The following ACTL8 variants were observed in gnomAD, a reference collection of about 807,000 sequenced individuals.
ACTL8 encodes the protein actin like 8.
A neutral mutation model predicts 9.3 loss-of-function variants in ACTL8; 3 were observed. That is an observed-to-expected ratio of 0.32 (90% CI 0.15 to 0.83). ACTL8 has a LOEUF of 0.83. Ranked by LOEUF, ACTL8 falls within the 40% of genes least tolerant of loss-of-function variation. The pLI, the probability that ACTL8 is intolerant of heterozygous loss-of-function variation, is 0.57. For synonymous variants in ACTL8, 224 were observed against 205.9 expected (o/e 1.09, Z -0.75); for missense variants, 381 against 492.2 (o/e 0.77, Z 2.14).
At chr1:17,794,321 C>CT (rs142828106) in intron 1 of ACTL8, among the ~76,000 whole-genome samples, 6,040 of 152,256 alleles carry the variant, frequency 0.04, 410 homozygotes, top group African/African-American at 0.14. Context: ...TTTTCCTCAT[C>CT]TATAAAATGA....
intron 1 of ACTL8, among the ~76,000 whole-genome samples, chr1:17,819,289 G>A (rs2053625696): frequency 6.6e-6 from 1 of 152,236 alleles, no homozygotes; most frequent in African/African-American, 2.4e-5. Flanking sequence ...CACTCTGGAT[G>A]ATTGAGTGTG....
chr1:17,797,359 G>A (rs916973110), intron 1 of ACTL8, among the ~76,000 whole-genome samples: 2 of 152,148 alleles, frequency 1.3e-5, no homozygotes, highest in Non-Finnish European at 2.9e-5. Flanking sequence ...ATGAGACCAC[G>A]TATGCTTTGG....
chr1:17,818,463 G>T (rs574301235), intron 1 of ACTL8, among the ~76,000 whole-genome samples: 3 of 152,312 alleles, frequency 2.0e-5, no homozygotes, highest in African/African-American at 7.2e-5. Context: ...TCCCACATCT[G>T]CAAGCATGAT....
intron 1 of ACTL8, among the ~76,000 whole-genome samples, chr1:17,800,782 T>A (rs11583569): frequency 0.16 from 24,679 of 150,948 alleles, 2,719 homozygotes; most frequent in African/African-American, 0.31. Context: ...TTTAGTAGAG[T>A]CTGGGTTTTG....
chr1:17,799,114 T>G (rs899000594), intron 1 of ACTL8, among the ~76,000 whole-genome samples: 31 of 152,154 alleles, frequency 2.0e-4, no homozygotes, highest in Admixed American at 2.0e-3. Context: ...ATCACAAGCT[T>G]GGAGGACGTG....
At chr1:17,803,859 C>A (rs1210923340) in intron 1 of ACTL8, among the ~76,000 whole-genome samples, 2 of 152,158 alleles carry the variant, frequency 1.3e-5, no homozygotes, top group African/African-American at 4.8e-5. Flanking sequence ...CATATGTCAG[C>A]TTTGCCAATT....
chr1:17,804,751 G>A (rs577348295), intron 1 of ACTL8, among the ~76,000 whole-genome samples: 5 of 152,094 alleles, frequency 3.3e-5, no homozygotes, highest in Non-Finnish European at 7.4e-5. Context: ...TGAGTAGCTG[G>A]GATATAGGCA....
chr1:17,819,310 C>G, intron 1 of ACTL8, among the ~76,000 whole-genome samples: 1 of 152,244 alleles, frequency 6.6e-6, no homozygotes, highest in East Asian at 1.9e-4. Flanking sequence ...AGGAATCTAT[C>G]ACTCAGCCTG....
chr1:17,763,853 G>T (rs939015422), intron 1 of ACTL8, among the ~76,000 whole-genome samples: 1 of 152,182 alleles, frequency 6.6e-6, no homozygotes, highest in African/African-American at 2.4e-5. Flanking sequence ...GGAAACAGGG[G>T]TTGGCCCTCT....
At position 17,826,036 on chromosome 1, in the gene ACTL8, G is replaced by A; in HGVS notation, c.618G>A (p.Val206=). The part of the protein sequence containing the change: ...RCLFQLETVA[V]TQMNKCYVPQ... The stretch of plus-strand genomic sequence containing the variant: ...TGTTTCAGCTGGAGACAGTCGCCGT[G>A]ACTCAGATGAACAAGTGCTACGTGC... Residue 206 remains valine (V), a synonymous_variant, in exon 3 of 3, where the codon GTG becomes GTA. Transcript: ENST00000375406. This position sits in a 1 kb window ranked among gnomAD's most constrained non-coding sequence, Gnocchi z 4.5. 1 of 1,606,522 alleles carries A rather than the reference G, an allele frequency of 6.2e-7. No homozygotes were observed. Among genetic ancestry groups the A allele is most frequent in the South Asian group, 1.1e-5 (1 of 91,074 alleles).
At chr1:17,820,408 A>G (rs1051102887) in intron 1 of ACTL8, among the ~76,000 whole-genome samples, 1 of 151,982 alleles carries the variant, frequency 6.6e-6, no homozygotes, top group African/African-American at 2.4e-5. Flanking sequence ...TCCCTAGCTG[A>G]AGGACTTTGG....
At chr1:17,798,224 G>A (rs1052392203) in intron 1 of ACTL8, among the ~76,000 whole-genome samples, 1 of 148,694 alleles carries the variant, frequency 6.7e-6, no homozygotes, top group African/African-American at 2.5e-5. Flanking sequence ...GAGTGCTGCA[G>A]GGTGTGGCAC....
chr1:17,757,098 G>A (rs989404056), intron 1 of ACTL8, among the ~76,000 whole-genome samples: 3 of 152,152 alleles, frequency 2.0e-5, no homozygotes, highest in African/African-American at 7.2e-5. Flanking sequence ...CCGCTGCACT[G>A]TAGCCAGGTG....
chr1:17,809,861 A>C (rs537713509), intron 1 of ACTL8, among the ~76,000 whole-genome samples: 40 of 152,248 alleles, frequency 2.6e-4, no homozygotes, highest in South Asian at 2.1e-3. Flanking sequence ...AATGTAATGC[A>C]CTTTTGAATC....
Position 17,812,740 on chromosome 1 carries a change from G to A in ACTL8, c.-24-10245G>A, listed in dbSNP as rs569545324. On this transcript the variant is annotated intron_variant, in intron 1 of 2. Transcript: ENST00000375406. Reference sequence around the variant, plus strand: ...ACTCCTGAGCTCAGGCAACCCACCCGCCTCAGCCTCCCAAATTGCTGGGAT... The same window carrying A: ...ACTCCTGAGCTCAGGCAACCCACCCACCTCAGCCTCCCAAATTGCTGGGAT... 1.3e-4 allele frequency among the ~76,000 whole-genome samples: 19 copies of A among 151,768 alleles called. 1 individual carries two copies. Among genetic ancestry groups the A allele is most frequent in the South Asian group, 1.2e-3 (6 of 4,806 alleles).
intron 1 of ACTL8, among the ~76,000 whole-genome samples, chr1:17,793,106 G>A (rs1578215): frequency 0.11 from 17,161 of 152,236 alleles, 1,059 homozygotes; most frequent in Admixed American, 0.16. Context: ...TCGAGGGGAC[G>A]ATAACCACAC....
At chr1:17,825,082 G>A (rs117500971) in intron 2 of ACTL8, among the ~76,000 whole-genome samples, 9 of 142,656 alleles carry the variant, frequency 6.3e-5, no homozygotes, top group Non-Finnish European at 1.4e-4. Flanking sequence ...TGGGGGGCAG[G>A]GGGGCTTTGT....
intron 1 of ACTL8, among the ~76,000 whole-genome samples, chr1:17,786,803 T>A (rs2102685926): frequency 6.6e-6 from 1 of 152,228 alleles, no homozygotes; most frequent in Admixed American, 6.5e-5. Flanking sequence ...CAAGCAATCC[T>A]CCTGCCTCAG....
At position 17,826,108 on chromosome 1, in the gene ACTL8, T is replaced by C. The variant is rs2053716889; in HGVS notation, c.690T>C (p.Ser230=). Residue 230 remains serine (S), a synonymous_variant, in exon 3 of 3, where the codon AGT becomes AGC. Transcript: ENST00000375406. The surrounding 1 kb of genome is among the most constrained non-coding windows in gnomAD (Gnocchi z 4.5). ...EALDFRERQQ[S]ALDESNTYQL... ...TGGACTTTCGTGAGAGGCAGCAGAG[T>C]GCCTTGGATGAGAGCAACACCTATC... is the stretch of plus-strand genomic sequence containing the variant. 6 of 1,609,564 alleles carry C rather than the reference T, an allele frequency of 3.7e-6. No individual in the cohort carries two copies. The highest frequency in any genetic ancestry group is 3.3e-4 in the Middle Eastern group (2 of 6,054).
Sources: allele counts gnomAD v4.1 joint callset (sites outside exome capture counted in the v4.1 genomes callset), GRCh38; gene constraint gnomAD v4.1.1; non-coding constraint Gnocchi (gnomAD v3.1); transcripts MANE v1.5; gene names NCBI Gene and HGNC (gene_info 2026-07-23, HGNC 2026-07-21).